Variants in SLC24A2 observed in about 807,000 individuals in gnomAD.
SLC24A2 encodes the protein sodium/potassium/calcium exchanger 2.
A neutral mutation model predicts 62.0 loss-of-function variants in SLC24A2; 36 were observed. That is an observed-to-expected ratio of 0.58 (90% CI 0.44 to 0.77). The LOEUF is 0.77. Among genes scored for constraint, SLC24A2 ranks in the 30% least tolerant of loss-of-function variants. The pLI is 0.00. For missense variants in SLC24A2, 846 were observed against 817.9 expected, an observed-to-expected ratio of 1.03 and a Z score of -0.42; for synonymous variants, 358 against 294.0, an observed-to-expected ratio of 1.22 and a Z score of -2.23.
chr9:19,548,091 T>C (rs2132736727), intron 8 of SLC24A2, among the ~76,000 whole-genome samples: 1 of 151,776 alleles, frequency 6.6e-6, no homozygotes, highest in South Asian at 2.1e-4. Context: ...GAGTCCTTTC[T>C]TGTTGTCTAC....
chr9:19,555,860 A>G (rs746363794), intron 7 of SLC24A2, among the ~76,000 whole-genome samples: 2 of 152,112 alleles, frequency 1.3e-5, no homozygotes, highest in Admixed American at 6.5e-5. Flanking sequence ...CAGGAGAATC[A>G]CTTGAACCCG....
chr9:19,525,203 A>G (rs1301292584), intron 9 of SLC24A2, among the ~76,000 whole-genome samples: 2 of 152,140 alleles, frequency 1.3e-5, no homozygotes, highest in Non-Finnish European at 2.9e-5. Context: ...TGTCAGTAAA[A>G]TAACTGTGAT....
the SLC24A2 span, among the ~76,000 whole-genome samples, chr9:20,089,246 C>T: frequency 6.6e-6 from 1 of 152,106 alleles, no homozygotes; most frequent in Non-Finnish European, 1.5e-5. Flanking sequence ...GAAAAGTTAC[C>T]AGATTGTTCT....
At chr9:20,010,188 C>T in the SLC24A2 span, among the ~76,000 whole-genome samples, 18 of 152,292 alleles carry the variant, frequency 1.2e-4, no homozygotes, top group South Asian at 2.1e-4. Flanking sequence ...GCAAAGTCTG[C>T]ATGCTCAGCG....
the SLC24A2 span, among the ~76,000 whole-genome samples, chr9:20,149,906 C>T: frequency 6.6e-6 from 1 of 151,976 alleles, no homozygotes; most frequent in South Asian, 2.1e-4. Flanking sequence ...AAAGGCCAGT[C>T]ACGGGTGATA....
chr9:19,744,795 C>G, intron 2 of SLC24A2, among the ~76,000 whole-genome samples: 1 of 152,152 alleles, frequency 6.6e-6, no homozygotes, highest in Non-Finnish European at 1.5e-5. Flanking sequence ...ACTCTGCTTC[C>G]CATTCAAATA....
At chr9:20,107,020 T>G in the SLC24A2 span, among the ~76,000 whole-genome samples, 1 of 152,236 alleles carries the variant, frequency 6.6e-6, no homozygotes, top group East Asian at 1.9e-4. Context: ...ACAAAATCAA[T>G]GTACAAAAAT....
chr9:20,249,353 C>G, the SLC24A2 span, among the ~76,000 whole-genome samples: 1 of 152,178 alleles, frequency 6.6e-6, no homozygotes, highest in East Asian at 1.9e-4. Context: ...TCAGTTTTCT[C>G]ATCTGTCATC....
the SLC24A2 span, among the ~76,000 whole-genome samples, chr9:20,258,365 C>T: frequency 1.3e-5 from 2 of 152,184 alleles, no homozygotes; most frequent in African/African-American, 2.4e-5. Flanking sequence ...GATTGGGCTG[C>T]CCCAGGTTTA....
the SLC24A2 span, among the ~76,000 whole-genome samples, chr9:20,043,985 A>T: frequency 1.3e-5 from 2 of 152,184 alleles, no homozygotes; most frequent in African/African-American, 4.8e-5. Context: ...TTGTTGTCTC[A>T]TTTTAAGAAA....
chr9:20,137,186 T>C, the SLC24A2 span, among the ~76,000 whole-genome samples: 2 of 152,146 alleles, frequency 1.3e-5, no homozygotes, highest in Non-Finnish European at 1.5e-5. Flanking sequence ...AAATGAATAA[T>C]GCATACAGTA....
chr9:19,628,156 C>A (rs966396397), intron 2 of SLC24A2, among the ~76,000 whole-genome samples: 3 of 152,124 alleles, frequency 2.0e-5, no homozygotes, highest in Admixed American at 6.5e-5. Flanking sequence ...TTAACTGTGG[C>A]TACTTAAAAT....
At chr9:19,890,079 A>G in the SLC24A2 span, among the ~76,000 whole-genome samples, 1 of 152,050 alleles carries the variant, frequency 6.6e-6, no homozygotes, top group Non-Finnish European at 1.5e-5. Flanking sequence ...TCCATTACAA[A>G]CCCCAGTAAG....
At chr9:20,145,437 T>A in the SLC24A2 span, among the ~76,000 whole-genome samples, 2 of 152,098 alleles carry the variant, frequency 1.3e-5, no homozygotes, top group Non-Finnish European at 2.9e-5. Flanking sequence ...CAATTTATAT[T>A]TTTTTAGTAG....
rs147831172 is a variant in SLC24A2, at chr9:19,581,854, T to C, written c.1130-4832A>G. Among the ~76,000 whole-genome samples, 21 of 152,296 alleles carry C rather than the reference T, an allele frequency of 1.4e-4. No individual in the cohort carries two copies. In the East Asian group the frequency reaches 3.9e-3, roughly 28 times the overall value. On this transcript the variant is annotated intron_variant, in intron 5 of 10. Transcript: ENST00000341998. ...ATTTTTGAGTACTTTTCAAGGTGAG[T>C]GAAGGAGTTATTTTTAACATGTTTC...
chr9:19,977,510 G>A, the SLC24A2 span, among the ~76,000 whole-genome samples: 12 of 152,066 alleles, frequency 7.9e-5, no homozygotes, highest in African/African-American at 2.9e-4. Context: ...AGGTCAGAAG[G>A]GGATGATGAA....
At chr9:19,558,874 G>A (rs944787438) in intron 7 of SLC24A2, among the ~76,000 whole-genome samples, 2 of 152,324 alleles carry the variant, frequency 1.3e-5, no homozygotes, top group African/African-American at 2.4e-5. Context: ...AAAGGTATGT[G>A]CCTATATAGT....
At chr9:20,245,337 C>A in the SLC24A2 span, among the ~76,000 whole-genome samples, 1 of 152,132 alleles carries the variant, frequency 6.6e-6, no homozygotes. Context: ...TCAAGGAAAC[C>A]TACACCTAGA....
chr9:19,544,229 G>C (rs62561121), intron 8 of SLC24A2, among the ~76,000 whole-genome samples: 1 of 143,234 alleles, frequency 7.0e-6, no homozygotes, highest in African/African-American at 2.6e-5. Context: ...AGTCTGTTTT[G>C]TCGGAGACTA....
Sources: gnomAD v4.1 joint callset for allele counts (sites outside exome capture counted in the v4.1 genomes callset) on GRCh38, gnomAD v4.1.1 for gene constraint, MANE v1.5 for transcripts, NCBI Gene and HGNC (gene_info 2026-07-23, HGNC 2026-07-21) for gene names.